The following IFRD1 variants were observed in gnomAD, a reference collection of about 807,000 sequenced individuals.
IFRD1 encodes the protein interferon related developmental regulator 1, also known as interferon-related developmental regulator 1.
In IFRD1, 35 loss-of-function variants were observed where a neutral mutation model predicts 52.9. The ratio of observed to expected loss-of-function variants is 0.66; its 90% CI spans 0.51 to 0.88. The LOEUF (loss-of-function observed/expected upper bound fraction) is 0.88, where lower values mean the gene tolerates loss of function less well. Among genes scored for constraint, IFRD1 ranks in the 40% least tolerant of loss-of-function variants. The pLI is 0.00. For synonymous variants in IFRD1, 184 were observed against 188.4 expected (o/e 0.98, Z 0.19); for missense variants, 517 against 550.8 (o/e 0.94, Z 0.61).
At chr7:112,467,538 G>T in intron 8 of IFRD1, 1 of 190,092 alleles carries the variant, frequency 5.3e-6, no homozygotes, top group Non-Finnish European at 1.1e-5. Flanking sequence ...TTGAAATATG[G>T]CAGTAAATTA....
At chr7:112,458,777 A>G in intron 4 of IFRD1, 84 bp from the exon 5 acceptor site, 1 of 1,243,294 alleles carries the variant, frequency 8.0e-7, no homozygotes, top group Non-Finnish European at 1.2e-6. Flanking sequence ...CTATTTTGTC[A>G]TTGATCAAAT....
intron 11 of IFRD1, among the ~76,000 whole-genome samples, 170 bp downstream of exon 11, chr7:112,473,031 T>A (rs375546365): frequency 2.0e-5 from 1 of 49,034 alleles, no homozygotes; most frequent in Non-Finnish European, 6.4e-5. Flanking sequence ...GTGGGGGGCG[T>A]GTGTGTGTGT....
intron 8 of IFRD1, among the ~76,000 whole-genome samples, chr7:112,464,658 G>A (rs1256267740): frequency 1.3e-5 from 2 of 152,146 alleles, no homozygotes; most frequent in African/African-American, 4.8e-5. Context: ...TCTACTAGTG[G>A]CCTTTTAGGA....
chr7:112,443,874 A>AC (rs1372165895), intron 1 of IFRD1, among the ~76,000 whole-genome samples: 3 of 151,396 alleles, frequency 2.0e-5, no homozygotes, highest in African/African-American at 7.3e-5. Context: ...AAAAAAAAAA[A>AC]AAACCCAAAA....
At chr7:112,426,325 G>T (rs1409911070) in intron 1 of IFRD1, among the ~76,000 whole-genome samples, 4 of 152,164 alleles carry the variant, frequency 2.6e-5, no homozygotes, top group Admixed American at 2.0e-4. Context: ...CAAGAGTGGG[G>T]GCAAATTATG....
At chr7:112,430,757 T>A (rs537469056) in intron 1 of IFRD1, among the ~76,000 whole-genome samples, 1 of 152,288 alleles carries the variant, frequency 6.6e-6, no homozygotes, top group East Asian at 1.9e-4. Flanking sequence ...GTTGACCAAG[T>A]GGGTGGACTA....
At chr7:112,445,414 C>T (rs1476259548) in intron 1 of IFRD1, among the ~76,000 whole-genome samples, 1 of 152,106 alleles carries the variant, frequency 6.6e-6, no homozygotes. Context: ...ATGGTACGAC[C>T]TTGGGGAAGT....
At chr7:112,469,073 T>C (rs1039293254) in intron 9 of IFRD1, among the ~76,000 whole-genome samples, 4 of 152,228 alleles carry the variant, frequency 2.6e-5, no homozygotes, top group Non-Finnish European at 5.9e-5. Context: ...AAATTGTTTT[T>C]GGTAGGCCAG....
intron 1 of IFRD1, among the ~76,000 whole-genome samples, chr7:112,424,661 C>CGCCTCA (rs1300889726): frequency 6.6e-6 from 1 of 151,894 alleles, no homozygotes; most frequent in Non-Finnish European, 1.5e-5. Flanking sequence ...GTGATCCACC[C>CGCCTCA]GCCTCAGCCT....
At chr7:112,447,344 G>A (rs186928878), upstream of IFRD1, among the ~76,000 whole-genome samples, 122 of 152,276 alleles carry the variant, frequency 8.0e-4, no homozygotes, top group Admixed American at 1.8e-3. Context: ...ATGTCATGTT[G>A]GTAACAAATA....
At chr7:112,456,871 A>G in intron 3 of IFRD1, 43 bp from the exon 4 acceptor site, 1 of 1,598,644 alleles carries the variant, frequency 6.3e-7, no homozygotes, top group South Asian at 1.1e-5. Context: ...TTTATTGTAT[A>G]CTCCAACTGG....
intron 8 of IFRD1, among the ~76,000 whole-genome samples, chr7:112,463,841 TAC>T (rs1199282868): frequency 4.4e-5 from 6 of 137,016 alleles, no homozygotes; most frequent in South Asian, 2.3e-4. Flanking sequence ...TACATATATA[TAC>T]ACATTTATAT....
chr7:112,426,443 G>A (rs1794429411), intron 1 of IFRD1, among the ~76,000 whole-genome samples: 1 of 152,208 alleles, frequency 6.6e-6, no homozygotes, highest in African/African-American at 2.4e-5. Context: ...CACAGAATGG[G>A]TAGTAACTTA....
rs1489566141 is a variant in IFRD1, at chr7:112,475,484, C to T, written c.1321C>T (p.Arg441Ter). The T allele has an allele frequency of 3.7e-6, 6 of 1,610,328 alleles. No homozygotes were observed. The African/African-American group carries it at 4.0e-5, about 11-fold the overall frequency. ...TCGAACCAAAGCTAGAAGCAAATGT[C>T]GAGATAAGAGAGCAGATGTTGGAGA... ...KARTKARSKC[R>*]DKRADVGEFF Residue 441 changes from arginine to a stop codon, truncating the protein, a stop_gained, in exon 12 of 12, where the codon CGA becomes TGA. Coordinates refer to ENST00000403825, the MANE Select transcript of IFRD1 (RefSeq NM_001550.4). LOFTEE classifies it high-confidence loss of function.
chr7:112,458,573 TAAGA>T (rs1480309094), intron 4 of IFRD1, among the ~76,000 whole-genome samples: 3 of 152,210 alleles, frequency 2.0e-5, no homozygotes, highest in Non-Finnish European at 2.9e-5. Context: ...AATAATCCCT[TAAGA>T]TAGATACTAA....
intron 1 of IFRD1, among the ~76,000 whole-genome samples, chr7:112,433,088 G>A (rs997463806): frequency 2.6e-5 from 4 of 152,172 alleles, no homozygotes; most frequent in Non-Finnish European, 5.9e-5. Context: ...AGAATCAACT[G>A]TAACCTCCCA....
intron 1 of IFRD1, among the ~76,000 whole-genome samples, chr7:112,455,212 A>G (rs1263085558): frequency 1.3e-5 from 2 of 151,050 alleles, no homozygotes; most frequent in Admixed American, 1.3e-4. Flanking sequence ...GGCTGGGCTC[A>G]GTGGCTCACA....
chr7:112,448,482 T>C (rs1237082210), upstream of IFRD1, among the ~76,000 whole-genome samples: 2 of 152,202 alleles, frequency 1.3e-5, no homozygotes, highest in African/African-American at 4.8e-5. Flanking sequence ...TTATAAAAGT[T>C]ATTGAGTCTA....
chr7:112,445,733 C>G (rs1312265807), upstream of IFRD1, among the ~76,000 whole-genome samples: 1 of 152,152 alleles, frequency 6.6e-6, no homozygotes, highest in Non-Finnish European at 1.5e-5. Flanking sequence ...TGGATTCCAG[C>G]CCATAAACAC....
Sources: allele counts gnomAD v4.1 joint callset (sites outside exome capture counted in the v4.1 genomes callset), GRCh38; gene constraint gnomAD v4.1.1; transcripts MANE v1.5; gene names NCBI Gene and HGNC (gene_info 2026-07-23, HGNC 2026-07-21).